TATDN2: variants seen among roughly 807,000 people sequenced by gnomAD.
The protein encoded by TATDN2 is TatD DNase domain containing 2.
In TATDN2, 44 loss-of-function variants were observed where a neutral mutation model predicts 60.3. That is an observed-to-expected ratio of 0.73 (90% CI 0.57 to 0.94). The LOEUF is 0.94. Ranked by LOEUF, TATDN2 falls within the 40% of genes least tolerant of loss-of-function variation. The pLI, the probability that TATDN2 is intolerant of heterozygous loss-of-function variation, is 0.00. For missense variants in TATDN2, 997 were observed against 948.0 expected (o/e 1.05, Z -0.68); for synonymous variants, 399 against 355.8 (o/e 1.12, Z -1.37).
At position 10,249,003 on chromosome 3, in the gene TATDN2, C is replaced by T; in HGVS notation, c.-71C>T. On this transcript the variant is annotated 5_prime_UTR_variant, in exon 1 of 8. Coordinates refer to ENST00000448281, the MANE Select transcript of TATDN2 (RefSeq NM_014760.4). Reference sequence around the variant, plus strand: ...TCAATTTTGGATCGCTTTGACTTCTCCAACACGGTTTGGCATCTCTGAAAC... The same window carrying T: ...TCAATTTTGGATCGCTTTGACTTCTTCAACACGGTTTGGCATCTCTGAAAC... 1.8e-6 allele frequency: 1 copy of T among 562,062 alleles called. No homozygotes were observed. The highest frequency in any genetic ancestry group is 2.7e-6 in the Non-Finnish European group (1 of 368,500). The allele number at this position is 562,062 out of a possible 1,614,324, so 34.8% of individuals were successfully genotyped here.
At chr3:10,275,979 C>T (rs545217404) in intron 4 of TATDN2, among the ~76,000 whole-genome samples, 126 of 152,220 alleles carry the variant, frequency 8.3e-4, no homozygotes, top group Non-Finnish European at 1.7e-3. Flanking sequence ...ATTAACTTTG[C>T]GCTTTATGTT....
chr3:10,266,865 A>G (rs571494691), intron 3 of TATDN2, among the ~76,000 whole-genome samples: 1 of 152,064 alleles, frequency 6.6e-6, no homozygotes, highest in East Asian at 1.9e-4. Flanking sequence ...CTCAGTGCCC[A>G]GTAGTAGGTG....
intron 2 of TATDN2, among the ~76,000 whole-genome samples, chr3:10,257,505 T>C (rs1233167466): frequency 1.4e-5 from 2 of 147,954 alleles, no homozygotes; most frequent in Non-Finnish European, 3.0e-5. Context: ...TGCACATGCC[T>C]GTAATCCCAG....
In TATDN2 at chr3:10,271,019, A is replaced by T; in HGVS notation, c.1833+4A>T. The stretch of plus-strand genomic sequence containing the variant: ...GCCTGTCCCAGAACAGCACAAGGTA[A>T]CAAGGCTCTCTTTAGTCTGCTTATA... On this transcript the variant is annotated splice_donor_region_variant and intron_variant, in intron 4 of 7. Transcript: ENST00000448281. The T allele has an allele frequency of 6.5e-7, 1 of 1,549,376 alleles. No individual in the cohort carries two copies. The highest frequency in any genetic ancestry group is 1.2e-5 in the South Asian group (1 of 81,534).
intron 2 of TATDN2, among the ~76,000 whole-genome samples, chr3:10,259,462 A>G (rs1459185144): frequency 6.6e-6 from 1 of 152,224 alleles, no homozygotes; most frequent in Non-Finnish European, 1.5e-5. Context: ...TGGCAAACAA[A>G]GTCTAGCTTT....
chr3:10,279,081 C>T lies in TATDN2; in HGVS notation c.*38+18C>T. ...TAGAAAAGGTCGTAAAACTCACATT[C>T]TGTATTTTTTAAAAACCAGGACAAG... On this transcript the variant is annotated intron_variant, in intron 7 of 7. Coordinates refer to ENST00000448281, the MANE Select transcript of TATDN2 (RefSeq NM_014760.4). The T allele has an allele frequency of 4.4e-6, 7 of 1,575,324 alleles. No homozygotes were observed. Among genetic ancestry groups the T allele is most frequent in the Non-Finnish European group, 6.0e-6 (7 of 1,162,372 alleles).
chr3:10,252,958 G>A (rs146574589), intron 2 of TATDN2, among the ~76,000 whole-genome samples: 2,034 of 150,170 alleles, frequency 0.014, 39 homozygotes, highest in African/African-American at 0.047. Flanking sequence ...CCGGGTTCAC[G>A]CCATTCTCCT....
Position 10,249,568 on chromosome 3 carries a change from CT to C in TATDN2, c.371del (p.Leu124TrpfsTer7), listed in dbSNP as rs752547596. 4 of 1,547,376 alleles carry C rather than the reference CT, an allele frequency of 2.6e-6. No homozygotes were observed. In the East Asian group the frequency reaches 9.1e-5, roughly 35 times the overall value. Reference sequence around the variant, plus strand: ...TCCCCTCTGCGTCCTGCCAACGCCTCTTTGGAAGAAATGGCTTCTCTAGAGG... The same window carrying C: ...TCCCCTCTGCGTCCTGCCAACGCCTCTTGGAAGAAATGGCTTCTCTAGAGG... ...GGSPLRPANA[S>X]LEEMASLEEE... On this transcript the variant is annotated frameshift_variant, in exon 2 of 8. Transcript: ENST00000448281. LOFTEE classifies it high-confidence loss of function.
At position 10,278,130 on chromosome 3, in the gene TATDN2, C is replaced by G. The variant is rs1698665114; in HGVS notation, c.1962-149C>G. 1 of 918,302 alleles carries G rather than the reference C, an allele frequency of 1.1e-6. No homozygotes were observed. The allele number at this position is 918,302 out of a possible 1,614,324, so 56.9% of individuals were successfully genotyped here. The stretch of plus-strand genomic sequence containing the variant: ...TCGGGGCTTCCTGTGTTGGAGCCAG[C>G]CCTTGTCTGTGTTTACTGTGGAGTC... On this transcript the variant is annotated intron_variant, in intron 5 of 7. Transcript: ENST00000448281. The surrounding 1 kb of genome is among the most constrained non-coding windows in gnomAD (Gnocchi z 4.7).
chr3:10,272,580 A>G (rs9917706), intron 4 of TATDN2, among the ~76,000 whole-genome samples: 7,576 of 152,168 alleles, frequency 0.05, 246 homozygotes, highest in African/African-American at 0.083. Context: ...CTGGGATTAT[A>G]GACTCCCGCC....
rs75054667 is a variant in TATDN2, at chr3:10,262,796, A to G, written c.948+2126A>G. On this transcript the variant is annotated intron_variant, in intron 3 of 7. Coordinates refer to ENST00000448281, the MANE Select transcript of TATDN2 (RefSeq NM_014760.4). The stretch of plus-strand genomic sequence containing the variant: ...GTGATCCACCTGCCTAGGCTTCCCA[A>G]AGTACTGAGATTACAGGTGTAAGCC... Among the ~76,000 whole-genome samples the G allele has an allele frequency of 2.9e-3, 434 of 152,014 alleles. 11 individuals carry two copies. The South Asian group carries it at 0.044, about 15-fold the overall frequency.
At position 10,278,131 on chromosome 3, in the gene TATDN2, C is replaced by A; in HGVS notation, c.1962-148C>A. 1.1e-6 allele frequency: 1 copy of A among 925,458 alleles called. No individual in the cohort carries two copies. Among genetic ancestry groups the A allele is most frequent in the Non-Finnish European group, 1.6e-6 (1 of 610,772 alleles). 57.3% of individuals were successfully genotyped at this position (925,458 alleles called of 1,614,324 possible). A position where few individuals can be genotyped will look rare whatever the true frequency, so the allele number is the denominator to read the frequency against. Reference sequence around the variant, plus strand: ...CGGGGCTTCCTGTGTTGGAGCCAGCCCTTGTCTGTGTTTACTGTGGAGTCC... The same window carrying A: ...CGGGGCTTCCTGTGTTGGAGCCAGCACTTGTCTGTGTTTACTGTGGAGTCC... On this transcript the variant is annotated intron_variant, in intron 5 of 7. Transcript: ENST00000448281. The surrounding 1 kb of genome is among the most constrained non-coding windows in gnomAD (Gnocchi z 4.7).
In TATDN2 at chr3:10,276,458, A is replaced by C; in HGVS notation, c.1931A>C (p.Lys644Thr). Residue 644 changes from lysine to threonine, a missense_variant, in exon 5 of 8, where the codon AAG becomes ACG. Physicochemically the swap from Lys to Thr is moderately conservative, Grantham distance 78 (BLOSUM62 -1). Transcript: ENST00000448281. ...GAAGATCTGCTAGAAATCATGAAAA[A>C]GTTTGTGCCCCCTGACTACAAGATC... ...ADEDLLEIMK[K>T]FVPPDYKIHR... The C allele has an allele frequency of 1.9e-6, 3 of 1,614,136 alleles. No individual in the cohort carries two copies. Among genetic ancestry groups the C allele is most frequent in the Middle Eastern group, 3.3e-4 (2 of 6,060 alleles).
At position 10,278,832 on chromosome 3, in the gene TATDN2, T is replaced by G; in HGVS notation, c.2146-53T>G. ...AAGGGACAGGGAGGGAGTTCTAGAT[T>G]ATGACTGTGCACACATGGCACAATG... On this transcript the variant is annotated intron_variant, in intron 6 of 7. Coordinates refer to ENST00000448281, the MANE Select transcript of TATDN2 (RefSeq NM_014760.4). The surrounding 1 kb of genome is among the most constrained non-coding windows in gnomAD (Gnocchi z 4.7). 6.2e-7 allele frequency: 1 copy of G among 1,613,234 alleles called. No homozygotes were observed. Among genetic ancestry groups the G allele is most frequent in the Non-Finnish European group, 8.5e-7 (1 of 1,179,790 alleles).
intron 3 of TATDN2, among the ~76,000 whole-genome samples, chr3:10,269,088 T>G (rs1365637309): frequency 6.6e-6 from 1 of 152,214 alleles, no homozygotes; most frequent in Non-Finnish European, 1.5e-5. Flanking sequence ...AGATGTTCAC[T>G]TACATGGTGG....
At chr3:10,273,263 C>T (rs888713203) in intron 4 of TATDN2, among the ~76,000 whole-genome samples, 1 of 152,044 alleles carries the variant, frequency 6.6e-6, no homozygotes, top group Non-Finnish European at 1.5e-5. Flanking sequence ...TTGTCAACAC[C>T]AGAGACTCCT....
At chr3:10,251,477 C>T (rs530326060) in intron 2 of TATDN2, among the ~76,000 whole-genome samples, 4 of 152,186 alleles carry the variant, frequency 2.6e-5, no homozygotes, top group African/African-American at 7.2e-5. Flanking sequence ...CCTCCACCTC[C>T]TGGGTTCAAA....
chr3:10,251,781 A>G (rs1036886785), intron 2 of TATDN2, among the ~76,000 whole-genome samples: 1 of 152,070 alleles, frequency 6.6e-6, no homozygotes, highest in African/African-American at 2.4e-5. Context: ...TGTAGCCTCA[A>G]ACTCCTGGGG....
chr3:10,248,967 G>T lies in TATDN2; in HGVS notation c.-107G>T. On this transcript the variant is annotated 5_prime_UTR_variant, in exon 1 of 8. Transcript: ENST00000448281. Reference sequence around the variant, plus strand: ...CACGTTGTGGGCTTGGAAACCGACGGCAGCCTTTAGTCAATTTTGGATCGC... The same window carrying T: ...CACGTTGTGGGCTTGGAAACCGACGTCAGCCTTTAGTCAATTTTGGATCGC... 2.3e-6 allele frequency: 1 copy of T among 435,152 alleles called. No individual in the cohort carries two copies. The highest frequency in any genetic ancestry group is 3.9e-6 in the Non-Finnish European group (1 of 256,744). The allele number at this position is 435,152 out of a possible 1,614,324, so 27.0% of individuals were successfully genotyped here.
Sources: gnomAD v4.1 joint callset for allele counts (sites outside exome capture counted in the v4.1 genomes callset) on GRCh38, gnomAD v4.1.1 for gene constraint, Gnocchi (gnomAD v3.1) non-coding constraint, MANE v1.5 for transcripts, NCBI Gene and HGNC (gene_info 2026-07-23, HGNC 2026-07-21) for gene names.